Variants in TBC1D14 observed in about 807,000 individuals in gnomAD.
The protein encoded by TBC1D14 is TBC1 domain family member 14.
Under a neutral mutation model 79.0 loss-of-function variants are expected in TBC1D14, and 26 were observed. The ratio of observed to expected loss-of-function variants is 0.33; its 90% confidence interval spans 0.24 to 0.46. The LOEUF is 0.46. Ranked by LOEUF, TBC1D14 falls within the 20% of genes least tolerant of loss-of-function variation. The probability of loss-of-function intolerance (pLI) is 1.00; values close to 1 mark genes in which losing one functional copy is unlikely to be tolerated. For synonymous variants in TBC1D14, 394 were observed against 349.9 expected, an observed-to-expected ratio of 1.13 and a Z score of -1.40; for missense variants, 769 against 887.6, an observed-to-expected ratio of 0.87 and a Z score of 1.70.
intron 13 of TBC1D14, among the ~76,000 whole-genome samples, chr4:7,025,948 C>T (rs1722329101): frequency 6.6e-6 from 1 of 152,240 alleles, no homozygotes; most frequent in Non-Finnish European, 1.5e-5. Flanking sequence ...CTTGATCCTG[C>T]ATACACTCTG....
chr4:6,915,085 G>C (rs1040064689), intron 1 of TBC1D14, among the ~76,000 whole-genome samples: 1 of 152,092 alleles, frequency 6.6e-6, no homozygotes, highest in Non-Finnish European at 1.5e-5. Context: ...GGTGCTTGTG[G>C]AGCCCTCTAC....
intron 3 of TBC1D14, among the ~76,000 whole-genome samples, chr4:6,991,694 G>T (rs1372815183): frequency 3.3e-5 from 5 of 152,202 alleles, no homozygotes; most frequent in Admixed American, 6.5e-5. Context: ...CGGGGGGCTG[G>T]TGTGGAGGAA....
intron 3 of TBC1D14, among the ~76,000 whole-genome samples, chr4:6,992,082 C>G (rs1179747919): frequency 3.3e-5 from 5 of 152,308 alleles, no homozygotes; most frequent in Admixed American, 3.3e-4. Context: ...CTCCAGCACT[C>G]CCTGTGCACC....
chr4:6,987,942 A>G (rs552695538), intron 3 of TBC1D14, among the ~76,000 whole-genome samples: 1 of 152,244 alleles, frequency 6.6e-6, no homozygotes, highest in African/African-American at 2.4e-5. Context: ...CAACATTCCC[A>G]GTAACTTAGA....
chr4:6,919,918 CTATT>C (rs954835928), intron 1 of TBC1D14, among the ~76,000 whole-genome samples: 158 of 152,298 alleles, frequency 1.0e-3, no homozygotes, highest in African/African-American at 3.6e-3. Flanking sequence ...CGTGCCCGGC[CTATT>C]TATTTATTTT....
At chr4:6,928,891 G>A (rs1294580580) in intron 2 of TBC1D14, among the ~76,000 whole-genome samples, 3 of 152,152 alleles carry the variant, frequency 2.0e-5, no homozygotes, top group Non-Finnish European at 4.4e-5. Context: ...TGGGCACATC[G>A]CAGCATGTTA....
Position 6,946,441 on chromosome 4 carries a change from T to TC in TBC1D14, c.723-20861dup, listed in dbSNP as rs1294568041. The stretch of plus-strand genomic sequence containing the variant: ...TCTGCTTCCCGGGTTCAAGCGATTC[T>TC]CCTGAGTAGCTGGGATTACAGGTGC... On this transcript the variant is annotated intron_variant, in intron 2 of 13. Transcript: ENST00000409757. Among the ~76,000 whole-genome samples, 7 of 152,244 alleles carry TC rather than the reference T, an allele frequency of 4.6e-5. 1 individual carries two copies. In the East Asian group the frequency reaches 1.3e-3, roughly 29 times the overall value.
rs185009657 is a variant in TBC1D14, at chr4:6,912,406, A to T, written c.-18+2455A>T. On this transcript the variant is annotated intron_variant, in intron 1 of 13. Coordinates refer to ENST00000409757, the MANE Select transcript of TBC1D14 (RefSeq NM_020773.3). The stretch of plus-strand genomic sequence containing the variant: ...AAAATAAAAATAAAATAAAAAAAAT[A>T]AAAAAATAAAAAATAAATTTTCTTG... Among the ~76,000 whole-genome samples the T allele has an allele frequency of 4.1e-3, 619 of 151,758 alleles. 13 individuals are homozygous for T. The highest frequency in any genetic ancestry group is 0.035 in the Admixed American group (532 of 15,266).
chr4:7,014,306 A>C, intron 11 of TBC1D14, 142 bp from the exon 12 acceptor site: 1 of 595,358 alleles, frequency 1.7e-6, no homozygotes, highest in South Asian at 2.0e-5. Context: ...AATAGTACCT[A>C]CAATAAGTTG....
chr4:6,993,364 G>A (rs993079800), intron 3 of TBC1D14, among the ~76,000 whole-genome samples: 1 of 152,178 alleles, frequency 6.6e-6, no homozygotes, highest in Admixed American at 6.5e-5. Flanking sequence ...CCAGCTGGGC[G>A]TTTGGAATGT....
chr4:7,018,617 C>T (rs188541300), intron 12 of TBC1D14, among the ~76,000 whole-genome samples: 4 of 152,336 alleles, frequency 2.6e-5, no homozygotes, highest in African/African-American at 7.2e-5. Context: ...GCACCCTGTA[C>T]GCTGCCTAAC....
Position 6,965,071 on chromosome 4 carries a change from A to G in TBC1D14, c.723-2233A>G, listed in dbSNP as rs560080860. Among the ~76,000 whole-genome samples the G allele has an allele frequency of 1.2e-3, 183 of 152,346 alleles. 1 individual carries two copies. The highest frequency in any genetic ancestry group is 4.3e-3 in the African/African-American group (177 of 41,584). ...GCATTCCCTTATGTAACCACAGAACAGTTGTCAAAATGAGGTCACTTAGCA... is the reference window on the plus strand; with the variant it reads ...GCATTCCCTTATGTAACCACAGAACGGTTGTCAAAATGAGGTCACTTAGCA... On this transcript the variant is annotated intron_variant, in intron 2 of 13. Coordinates refer to ENST00000409757, the MANE Select transcript of TBC1D14 (RefSeq NM_020773.3).
intron 4 of TBC1D14, 53 bp downstream of exon 4, chr4:6,994,355 C>CT: frequency 6.6e-7 from 1 of 1,521,508 alleles, no homozygotes; most frequent in Non-Finnish European, 9.1e-7. Flanking sequence ...ATAAGTACAA[C>CT]TTGCTAAGCA....
At chr4:6,962,767 G>A (rs1348637167) in intron 2 of TBC1D14, among the ~76,000 whole-genome samples, 1 of 152,056 alleles carries the variant, frequency 6.6e-6, no homozygotes, top group Non-Finnish European at 1.5e-5. Context: ...ACTCCTTCCT[G>A]CTGAGAGGTT....
chr4:6,918,208 C>T (rs1041176200), intron 1 of TBC1D14, among the ~76,000 whole-genome samples: 3 of 152,168 alleles, frequency 2.0e-5, no homozygotes, highest in Non-Finnish European at 2.9e-5. Flanking sequence ...TTCTTCTTGG[C>T]GGCAATTCAG....
chr4:6,922,107 C>T (rs1322060453), intron 1 of TBC1D14, among the ~76,000 whole-genome samples: 1 of 151,974 alleles, frequency 6.6e-6, no homozygotes, highest in Non-Finnish European at 1.5e-5. Context: ...GGCCAGAGTG[C>T]GGTGGTGTAA....
chr4:6,963,252 T>A (rs911812507), intron 2 of TBC1D14, among the ~76,000 whole-genome samples: 2 of 152,218 alleles, frequency 1.3e-5, no homozygotes, highest in African/African-American at 4.8e-5. Flanking sequence ...CTCTGTTCTG[T>A]CTCCTGTGAG....
chr4:6,993,946 G>A (rs1718755636), intron 3 of TBC1D14, among the ~76,000 whole-genome samples: 1 of 152,194 alleles, frequency 6.6e-6, no homozygotes, highest in Non-Finnish European at 1.5e-5. Context: ...GGAGGTGGAG[G>A]TTGCAGTGAG....
Position 6,923,453 on chromosome 4 carries a change from C to A in TBC1D14, c.64C>A (p.Arg22=). 1.9e-6 allele frequency: 3 copies of A among 1,614,120 alleles called. No individual in the cohort carries two copies. The South Asian group carries it at 3.3e-5, about 18-fold the overall frequency. The change falls in exon 2 of 14, where the codon CGA becomes AGA. Residue 22 remains arginine (R), a synonymous_variant. Transcript: ENST00000409757. The part of the protein sequence containing the change: ...GVAFMGILDG[R]PGNPLQNLQH... The stretch of plus-strand genomic sequence containing the variant: ...AGCCTTCATGGGTATTCTGGATGGT[C>A]GACCAGGAAACCCCCTTCAGAACCT...
Sources: allele counts gnomAD v4.1 joint callset (sites outside exome capture counted in the v4.1 genomes callset), GRCh38; gene constraint gnomAD v4.1.1; transcripts MANE v1.5; gene names NCBI Gene and HGNC (gene_info 2026-07-23, HGNC 2026-07-21).